WDFY4: variants seen among roughly 807,000 people sequenced by gnomAD.
WDFY4 encodes WDFY family member 4, also known as WD repeat- and FYVE domain-containing protein 4.
In WDFY4, 169 loss-of-function variants were observed where a neutral mutation model predicts 351.9. The ratio of observed to expected loss-of-function variants is 0.48; its 90% CI spans 0.42 to 0.55. The LOEUF (loss-of-function observed/expected upper bound fraction) is 0.55. WDFY4 is among the 20% of genes least tolerant of loss of function. WDFY4 has a pLI of 0.00. For missense variants in WDFY4, 3,803 were observed against 3,935.6 expected, an observed-to-expected ratio of 0.97 and a Z score of 0.90; for synonymous variants, 1,622 against 1,574.6, an observed-to-expected ratio of 1.03 and a Z score of -0.71.
At chr10:48,762,787 G>T (rs1478847739) in intron 13 of WDFY4, among the ~76,000 whole-genome samples, 1 of 152,198 alleles carries the variant, frequency 6.6e-6, no homozygotes, top group Non-Finnish European at 1.5e-5. Flanking sequence ...GCACACAGTG[G>T]CTCCGGGCCC....
chr10:48,835,322 C>T (rs2068348651), intron 39 of WDFY4, among the ~76,000 whole-genome samples: 1 of 152,150 alleles, frequency 6.6e-6, no homozygotes, highest in Non-Finnish European at 1.5e-5. Flanking sequence ...TCAGCAAAGT[C>T]ATCTTTGGCA....
At chr10:48,963,039 T>C (rs528971833) in intron 53 of WDFY4, among the ~76,000 whole-genome samples, 5 of 151,952 alleles carry the variant, frequency 3.3e-5, no homozygotes, top group South Asian at 4.2e-4. Context: ...CTGAGTGAAG[T>C]GAGATCTGCT....
At chr10:48,723,855 G>A (rs2132292986) in intron 5 of WDFY4, among the ~76,000 whole-genome samples, 1 of 152,246 alleles carries the variant, frequency 6.6e-6, no homozygotes, top group Non-Finnish European at 1.5e-5. Flanking sequence ...GATGTAAATA[G>A]TGTTGTCATC....
chr10:48,787,939 CT>C (rs1565199033), intron 20 of WDFY4, among the ~76,000 whole-genome samples: 2,482 of 102,136 alleles, frequency 0.024, 109 homozygotes, highest in Admixed American at 0.054. Flanking sequence ...TCTTCTTCTT[CT>C]TCTTCTTCTT....
At chr10:48,759,884 C>G (rs2065448194) in intron 12 of WDFY4, among the ~76,000 whole-genome samples, 1 of 152,126 alleles carries the variant, frequency 6.6e-6, no homozygotes, top group South Asian at 2.1e-4. Context: ...AGAGCTGCTC[C>G]ATGAGTTCTA....
At chr10:48,780,212 T>C in intron 19 of WDFY4, 93 bp downstream of exon 19, 1 of 1,371,210 alleles carries the variant, frequency 7.3e-7, no homozygotes. Flanking sequence ...GTTTTTGTTG[T>C]TGTTTGTTTG....
chr10:48,805,462 G>A, intron 26 of WDFY4, 41 bp downstream of exon 26: 1 of 1,537,552 alleles, frequency 6.5e-7, no homozygotes, highest in Non-Finnish European at 8.7e-7. Flanking sequence ...CAGGGCCCCA[G>A]GGCTGTTTAA....
chr10:48,847,697 G>A (rs917340571), intron 39 of WDFY4, among the ~76,000 whole-genome samples: 1 of 152,158 alleles, frequency 6.6e-6, no homozygotes, highest in South Asian at 2.1e-4. Context: ...AAGCAGAGAG[G>A]AGAGAAGATG....
intron 38 of WDFY4, among the ~76,000 whole-genome samples, chr10:48,831,576 G>A (rs2133063454): frequency 6.6e-6 from 1 of 152,288 alleles, no homozygotes; most frequent in Non-Finnish European, 1.5e-5. Context: ...CTTCTAAATT[G>A]GCTTTATAAA....
intron 39 of WDFY4, among the ~76,000 whole-genome samples, chr10:48,836,221 G>A (rs1441130698): frequency 6.6e-6 from 1 of 152,350 alleles, no homozygotes; most frequent in East Asian, 1.9e-4. Flanking sequence ...AGTGAGCAAT[G>A]TAATTGATAT....
intron 1 of WDFY4, among the ~76,000 whole-genome samples, chr10:48,701,862 T>G (rs1487825613): frequency 6.6e-6 from 1 of 152,168 alleles, no homozygotes; most frequent in Non-Finnish European, 1.5e-5. Flanking sequence ...AGAGCTACTA[T>G]AAAGTGAGCT....
chr10:48,939,281 G>T (rs147002703), intron 47 of WDFY4, among the ~76,000 whole-genome samples: 44 of 152,320 alleles, frequency 2.9e-4, no homozygotes, highest in African/African-American at 9.4e-4. Flanking sequence ...CCAGGACCAC[G>T]CCTGTTGAGT....
chr10:48,697,857 C>G (rs1458456523), intron 1 of WDFY4, among the ~76,000 whole-genome samples: 1 of 152,188 alleles, frequency 6.6e-6, no homozygotes. Flanking sequence ...TCCCACATGA[C>G]TTTAGGTGGC....
chr10:48,876,712 G>T (rs72797193), intron 42 of WDFY4, among the ~76,000 whole-genome samples: 3,095 of 152,332 alleles, frequency 0.02, 37 homozygotes, highest in Non-Finnish European at 0.031. Flanking sequence ...GGGCCTCTGA[G>T]GAGTTGCTTT....
chr10:48,837,363 G>A (rs1209098770), intron 39 of WDFY4, among the ~76,000 whole-genome samples: 1 of 152,090 alleles, frequency 6.6e-6, no homozygotes, highest in Non-Finnish European at 1.5e-5. Context: ...GGTACCACAG[G>A]CCAGCCTAGA....
chr10:48,743,782 CAT>C (rs2064929675), intron 12 of WDFY4, among the ~76,000 whole-genome samples: 1 of 152,164 alleles, frequency 6.6e-6, no homozygotes, highest in Non-Finnish European at 1.5e-5. Context: ...TGTCGAGTCA[CAT>C]AAGAACCAGG....
rs116737626 is a variant in WDFY4 at position 48,776,520 on chromosome 10, A to G, written c.2864-230A>G. 5.0e-3 allele frequency among the ~76,000 whole-genome samples: 754 copies of G among 152,320 alleles called. 3 individuals carry two copies. The highest frequency in any genetic ancestry group is 0.018 in the African/African-American group (730 of 41,572). On this transcript the variant is annotated intron_variant, in intron 15 of 61. Coordinates refer to ENST00000325239, the MANE Select transcript of WDFY4 (RefSeq NM_001394531.1). ...GGAAAAGGGATCTGTGCTGGAATGAAAGAAAAGTTTCTAGAAGGAGCAGGT... is the reference window on the plus strand; with the variant it reads ...GGAAAAGGGATCTGTGCTGGAATGAGAGAAAAGTTTCTAGAAGGAGCAGGT...
chr10:48,923,264 G>C (rs562539842), intron 47 of WDFY4, among the ~76,000 whole-genome samples: 6 of 152,042 alleles, frequency 3.9e-5, no homozygotes, highest in African/African-American at 1.2e-4. Flanking sequence ...CTGGGGGGAT[G>C]TTGTGTACCA....
rs1259117522 is a variant in WDFY4, at chr10:48,946,936, G to A, written c.7944G>A (p.Met2648Ile). 2 of 1,551,666 alleles carry A rather than the reference G, an allele frequency of 1.3e-6. No individual in the cohort carries two copies. Among genetic ancestry groups the A allele is most frequent in the South Asian group, 2.4e-5 (2 of 84,054 alleles). Residue 2648 changes from methionine to isoleucine, a missense_variant, in exon 51 of 62, where the codon ATG (methionine) becomes ATA (isoleucine). Transcript: ENST00000325239. ...AIIVASYLVR[M>I]PPFTQAFCAL... ...TCGTGGCCTCCTACCTGGTCCGGAT[G>A]CCACCCTTCACCCAGGCCTTCTGCG...
Sources: gnomAD v4.1 joint callset for allele counts (sites outside exome capture counted in the v4.1 genomes callset) on GRCh38, gnomAD v4.1.1 for gene constraint, MANE v1.5 for transcripts, NCBI Gene and HGNC (gene_info 2026-07-23, HGNC 2026-07-21) for gene names.